CD2AP: variants seen among roughly 807,000 people sequenced by gnomAD.
CD2AP encodes CD2-associated protein.
In CD2AP, 46 loss-of-function variants were observed where a neutral mutation model predicts 85.1. The ratio of observed to expected loss-of-function variants is 0.54; its 90% CI spans 0.43 to 0.69. The LOEUF (loss-of-function observed/expected upper bound fraction) is 0.69. Among genes scored for constraint, CD2AP ranks in the 30% least tolerant of loss-of-function variants. CD2AP has a pLI of 0.00. For missense variants in CD2AP, 769 were observed against 729.5 expected (o/e 1.05, Z -0.62); for synonymous variants, 255 against 252.9 (o/e 1.01, Z -0.08).
At chr6:47,535,143 A>G (rs984733035) in intron 3 of CD2AP, among the ~76,000 whole-genome samples, 1 of 152,108 alleles carries the variant, frequency 6.6e-6, no homozygotes, top group Non-Finnish European at 1.5e-5. Flanking sequence ...TAACCCATCT[A>G]TGCCTAGTGT....
At chr6:47,498,277 T>C (rs1045362924) in intron 1 of CD2AP, among the ~76,000 whole-genome samples, 6 of 152,212 alleles carry the variant, frequency 3.9e-5, no homozygotes, top group African/African-American at 1.2e-4. Context: ...AATTTTTCTT[T>C]TTCTAGAATC....
intron 5 of CD2AP, among the ~76,000 whole-genome samples, chr6:47,562,411 C>T (rs776561104): frequency 1.3e-5 from 2 of 152,086 alleles, no homozygotes; most frequent in African/African-American, 2.4e-5. Flanking sequence ...ATGATGAGAG[C>T]TAGGAATAAT....
rs1769368053 is a variant in CD2AP at position 47,609,502 on chromosome 6, C to A, written c.1814+198C>A. On this transcript the variant is annotated intron_variant, in intron 16 of 17. Transcript: ENST00000359314. ...GACCAGCCTGGACGACATGACAAAACCCCATCTTTGCAAAAAAAAAAAAAA... is the reference window on the plus strand; with the variant it reads ...GACCAGCCTGGACGACATGACAAAAACCCATCTTTGCAAAAAAAAAAAAAA... The A allele has an allele frequency of 2.8e-5, 8 of 285,062 alleles. No homozygotes were observed. In the East Asian group the frequency reaches 2.9e-4, roughly 10 times the overall value. 17.7% of individuals were successfully genotyped at this position (285,062 alleles called of 1,614,324 possible). A position where few individuals can be genotyped will look rare whatever the true frequency, so the allele number is the denominator to read the frequency against.
At chr6:47,566,815 T>C (rs1768016365) in intron 5 of CD2AP, among the ~76,000 whole-genome samples, 1 of 152,210 alleles carries the variant, frequency 6.6e-6, no homozygotes, top group African/African-American at 2.4e-5. Context: ...TATGGCTGCA[T>C]AGTATTCCAT....
At chr6:47,616,695 A>C (rs1769596759) in intron 17 of CD2AP, among the ~76,000 whole-genome samples, 1 of 152,012 alleles carries the variant, frequency 6.6e-6, no homozygotes, top group Non-Finnish European at 1.5e-5. Context: ...TTCTCTTTTC[A>C]CTTGAGGTTC....
At chr6:47,520,060 G>A (rs1266657705) in intron 2 of CD2AP, among the ~76,000 whole-genome samples, 1 of 151,752 alleles carries the variant, frequency 6.6e-6, no homozygotes, top group Non-Finnish European at 1.5e-5. Context: ...GAACTAAAGT[G>A]TTGTGTTTAG....
rs576425389 is a variant in CD2AP, at chr6:47,616,670, T to G, written c.1878+4134T>G. On this transcript the variant is annotated intron_variant, in intron 17 of 17. Transcript: ENST00000359314. ...CATTTAGGTCTAGCTGCCTTCTTGATGTACTGCAGTTACTTTCTCTTTTCA... is the reference window on the plus strand; with the variant it reads ...CATTTAGGTCTAGCTGCCTTCTTGAGGTACTGCAGTTACTTTCTCTTTTCA... Among the ~76,000 whole-genome samples, 7 of 152,368 alleles carry G rather than the reference T, an allele frequency of 4.6e-5. No individual in the cohort carries two copies. The East Asian group carries it at 1.4e-3, about 29-fold the overall frequency.
At chr6:47,533,498 T>C in intron 2 of CD2AP, 104 bp from the exon 3 acceptor site, 1 of 1,070,796 alleles carries the variant, frequency 9.3e-7, no homozygotes, top group Non-Finnish European at 1.4e-6. Context: ...GATATTATGA[T>C]TTATATAGTA....
chr6:47,502,836 G>A (rs1009587276), intron 1 of CD2AP, among the ~76,000 whole-genome samples: 4 of 152,140 alleles, frequency 2.6e-5, no homozygotes, highest in Non-Finnish European at 4.4e-5. Context: ...GCCTCCCAAA[G>A]TGCTGGGATT....
intron 2 of CD2AP, among the ~76,000 whole-genome samples, chr6:47,515,101 A>T (rs1253735375): frequency 6.6e-6 from 1 of 152,004 alleles, no homozygotes; most frequent in East Asian, 1.9e-4. Context: ...GTAGAAAGTT[A>T]TAGGAGTACT....
chr6:47,609,700 A>G (rs1041904394), intron 16 of CD2AP, among the ~76,000 whole-genome samples: 4 of 151,590 alleles, frequency 2.6e-5, no homozygotes, highest in African/African-American at 9.7e-5. Flanking sequence ...ACCCTGTCTC[A>G]AAAAAAAGTC....
chr6:47,610,971 A>ATATATATATATATATATATATATTTTT, intron 16 of CD2AP, among the ~76,000 whole-genome samples: 14 of 112,864 alleles, frequency 1.2e-4, no homozygotes, highest in African/African-American at 4.7e-4. Context: ...ATATATATGT[A>ATATATATATATATATATATATATTTTT]TTTTTTTTTT....
intron 2 of CD2AP, among the ~76,000 whole-genome samples, chr6:47,533,171 T>G (rs1766934232): frequency 6.6e-6 from 1 of 152,272 alleles, no homozygotes; most frequent in Non-Finnish European, 1.5e-5. Flanking sequence ...ATTCATTCAT[T>G]TAAATATCTG....
At chr6:47,603,135 C>T (rs1769185675) in intron 13 of CD2AP, among the ~76,000 whole-genome samples, 1 of 151,848 alleles carries the variant, frequency 6.6e-6, no homozygotes, top group Admixed American at 6.6e-5. Context: ...GAGCCTATAT[C>T]TAAACTAGAA....
At chr6:47,494,265 C>A (rs1455887187) in intron 1 of CD2AP, among the ~76,000 whole-genome samples, 1 of 152,096 alleles carries the variant, frequency 6.6e-6, no homozygotes, top group Non-Finnish European at 1.5e-5. Context: ...GGTTCACATT[C>A]CTGTAGTGTC....
chr6:47,489,967 CTTT>C (rs71684059), intron 1 of CD2AP, among the ~76,000 whole-genome samples: 1 of 121,696 alleles, frequency 8.2e-6, no homozygotes, highest in African/African-American at 3.4e-5. Flanking sequence ...TCTAAAGAGA[CTTT>C]TTTTTTTTTT....
intron 2 of CD2AP, among the ~76,000 whole-genome samples, chr6:47,508,908 T>C (rs1766247910): frequency 1.3e-5 from 2 of 152,202 alleles, no homozygotes; most frequent in Non-Finnish European, 2.9e-5. Flanking sequence ...GGAGTAGCAC[T>C]TTTAATTTCC....
intron 1 of CD2AP, among the ~76,000 whole-genome samples, chr6:47,496,080 A>G (rs1391606501): frequency 6.6e-6 from 1 of 151,884 alleles, no homozygotes; most frequent in Non-Finnish European, 1.5e-5. Context: ...TCTTTTCTAC[A>G]TTGCTGATAC....
At position 47,612,460 on chromosome 6, in the gene CD2AP, A is replaced by G. The variant is rs766470799; in HGVS notation, c.1815-13A>G. 1.9e-6 allele frequency: 3 copies of G among 1,549,130 alleles called. No homozygotes were observed. Among genetic ancestry groups the G allele is most frequent in the Non-Finnish European group, 2.7e-6 (3 of 1,121,724 alleles). On this transcript the variant is annotated splice_polypyrimidine_tract_variant and intron_variant, in intron 16 of 17. Coordinates refer to ENST00000359314, the MANE Select transcript of CD2AP (RefSeq NM_012120.3). ...ATCGAAAGACTTAACAGTAATAAGT[A>G]CTTTGTTTTTAGGAAAGAACTGGAA...
Sources: allele counts gnomAD v4.1 joint callset (sites outside exome capture counted in the v4.1 genomes callset), GRCh38; gene constraint gnomAD v4.1.1; transcripts MANE v1.5; gene names NCBI Gene and HGNC (gene_info 2026-07-23, HGNC 2026-07-21).